Variants in TRABD2A observed in about 807,000 individuals in gnomAD.
TRABD2A encodes TraB domain containing 2A.
In TRABD2A, 43 loss-of-function variants were observed where a neutral mutation model predicts 45.6. That is an observed-to-expected ratio of 0.94 (90% CI 0.74 to 1.22). The LOEUF is 1.22. Among genes scored for constraint, TRABD2A ranks in the 50% most tolerant of loss-of-function variants. TRABD2A has a pLI of 0.00. For missense variants in TRABD2A, 642 were observed against 652.4 expected (o/e 0.98, Z 0.17); for synonymous variants, 269 against 265.0 (o/e 1.02, Z -0.15).
chr2:84,837,956 T>A, intron 4 of TRABD2A: 2 of 384,878 alleles, frequency 5.2e-6, no homozygotes, highest in Non-Finnish European at 9.3e-6. Context: ...TTAATATTGC[T>A]ATTTCCAGCA....
At chr2:84,855,413 G>C (rs1383855555) in intron 2 of TRABD2A, among the ~76,000 whole-genome samples, 1 of 152,020 alleles carries the variant, frequency 6.6e-6, no homozygotes, top group East Asian at 1.9e-4. Flanking sequence ...TCACATTAGT[G>C]CTTGCCGAAC....
In TRABD2A at chr2:84,840,950, A is replaced by G. The variant is rs1291091292; in HGVS notation, c.816+911T>C. The stretch of plus-strand genomic sequence containing the variant: ...TACTGTCCTTCTCCCCATTGCTGCT[A>G]TTCCTCCTTCAGCTCTCATGTTCAC... On this transcript the variant is annotated intron_variant, in intron 3 of 6. Transcript: ENST00000409520. Among the ~76,000 whole-genome samples the G allele has an allele frequency of 3.3e-5, 5 of 151,888 alleles. No homozygotes were observed. In the South Asian group the frequency reaches 6.2e-4, roughly 19 times the overall value.
intron 2 of TRABD2A, among the ~76,000 whole-genome samples, chr2:84,853,527 C>T (rs1406119148): frequency 1.3e-5 from 2 of 152,140 alleles, no homozygotes; most frequent in Non-Finnish European, 2.9e-5. Context: ...CACCTGGTCC[C>T]GCCCATGACA....
intron 6 of TRABD2A, among the ~76,000 whole-genome samples, chr2:84,823,732 A>G (rs1203189331): frequency 6.6e-6 from 1 of 152,156 alleles, no homozygotes; most frequent in Non-Finnish European, 1.5e-5. Flanking sequence ...TTGTTCTTTA[A>G]CAAGCATAAA....
chr2:84,824,190 T>A lies in TRABD2A; in HGVS notation c.1097A>T (p.Lys366Met). 1 of 1,613,834 alleles carries A rather than the reference T, an allele frequency of 6.2e-7. No individual in the cohort carries two copies. The highest frequency in any genetic ancestry group is 8.5e-7 in the Non-Finnish European group (1 of 1,179,860). The change falls in exon 6 of 7, where the codon AAG (lysine) becomes ATG (methionine). Residue 366 changes from lysine to methionine, a missense_variant. Lys to Met is a moderately conservative substitution (Grantham distance 95). Coordinates refer to ENST00000409520, the MANE Select transcript of TRABD2A (RefSeq NM_001277053.2). ...GRPIHKGKSK[K>M]TSTRPTLSTI... is the part of the protein sequence containing the mutation. Reference sequence around the variant, plus strand: ...GGACAGAGTGGGCCGTGTGGAGGTCTTTTTACTCTTCCCTCTGTACGCAAG... The same window carrying A: ...GGACAGAGTGGGCCGTGTGGAGGTCATTTTACTCTTCCCTCTGTACGCAAG...
intron 6 of TRABD2A, among the ~76,000 whole-genome samples, chr2:84,823,205 C>T (rs1296955918): frequency 6.6e-6 from 1 of 152,092 alleles, no homozygotes; most frequent in Non-Finnish European, 1.5e-5. Context: ...TAGTAACCTC[C>T]AACACACACA....
At chr2:84,838,342 T>C (rs1456356084) in intron 4 of TRABD2A, 1 of 683,312 alleles carries the variant, frequency 1.5e-6, no homozygotes. Context: ...CTTCTAGGAT[T>C]GTTGCAAGCC....
chr2:84,840,033 C>T (rs1323815443), intron 3 of TRABD2A, among the ~76,000 whole-genome samples: 2 of 152,094 alleles, frequency 1.3e-5, no homozygotes, highest in East Asian at 3.9e-4. Flanking sequence ...CTCAGCCTCC[C>T]ACTCCTCCCC....
At chr2:84,839,423 G>A (rs150258293) in intron 3 of TRABD2A, 100 bp from the exon 4 acceptor site, 34 of 1,145,254 alleles carry the variant, frequency 3.0e-5, no homozygotes, top group East Asian at 2.6e-4. Context: ...TGGTCAAGAC[G>A]TTGTCAAGAG....
intron 4 of TRABD2A, chr2:84,836,124 G>A (rs933077189): frequency 6.6e-6 from 1 of 152,202 alleles, no homozygotes; most frequent in African/African-American, 2.4e-5. Context: ...AAGAAACAAT[G>A]AAAGCATCAG....
chr2:84,836,868 T>C (rs1206394827), intron 4 of TRABD2A: 2 of 152,272 alleles, frequency 1.3e-5, no homozygotes, highest in African/African-American at 4.8e-5. Context: ...ACACTTTAAA[T>C]TCCAGAATTC....
rs1681282352 is a variant in TRABD2A at position 84,830,046 on chromosome 2, C to T, written c.1082+2009G>A. 6.6e-6 allele frequency among the ~76,000 whole-genome samples: 1 copy of T among 152,082 alleles called. No individual in the cohort carries two copies. The highest frequency in any genetic ancestry group is 1.9e-4 in the East Asian group (1 of 5,196). On this transcript the variant is annotated intron_variant, in intron 5 of 6. Coordinates refer to ENST00000409520, the MANE Select transcript of TRABD2A (RefSeq NM_001277053.2). This position sits in a 1 kb window ranked among gnomAD's most constrained non-coding sequence, Gnocchi z 4.9. ...ATTACACCACACACACGTACACACT[C>T]CCCAGGTAGGGCCCTCTCCAGCACC...
chr2:84,869,935 C>T (rs1227683228), intron 2 of TRABD2A, among the ~76,000 whole-genome samples: 2 of 144,526 alleles, frequency 1.4e-5, no homozygotes, highest in East Asian at 2.0e-4. Context: ...ACTGAGATCG[C>T]ACCACTGCAC....
At chr2:84,822,563 C>T (rs1401977718) in intron 6 of TRABD2A, among the ~76,000 whole-genome samples, 2 of 152,172 alleles carry the variant, frequency 1.3e-5, no homozygotes, top group East Asian at 1.9e-4. Context: ...CAAGACAGTT[C>T]AAGCTGAGGG....
Position 84,881,000 on chromosome 2 carries a change from G to A in TRABD2A, c.40C>T (p.Leu14Phe). The change falls in exon 1 of 7, where the codon CTC (leucine) becomes TTC (phenylalanine). Residue 14 changes from leucine (L) to phenylalanine (F), a missense_variant. Physicochemically the swap from Leu to Phe is conservative, Grantham distance 22 (BLOSUM62 0). Coordinates refer to ENST00000409520, the MANE Select transcript of TRABD2A (RefSeq NM_001277053.2). ...CGCGAAGCTGCGCCCGTGGGCAGGAGGCAGAGGGTCTGCAGCAGGAACCAG... is the reference window on the plus strand; with the variant it reads ...CGCGAAGCTGCGCCCGTGGGCAGGAAGCAGAGGGTCTGCAGCAGGAACCAG... ...WSWFLLQTLC[L>F]LPTGAASRRG... The A allele has an allele frequency of 6.2e-7, 1 of 1,606,014 alleles. No individual in the cohort carries two copies. The highest frequency in any genetic ancestry group is 8.5e-7 in the Non-Finnish European group (1 of 1,177,010).
chr2:84,871,336 C>T (rs1682866733), intron 1 of TRABD2A, among the ~76,000 whole-genome samples: 1 of 152,136 alleles, frequency 6.6e-6, no homozygotes, highest in African/African-American at 2.4e-5. Context: ...CCTGCTCTTT[C>T]AGATCTCAAA....
At chr2:84,832,217 C>T in intron 4 of TRABD2A, 72 bp from the exon 5 acceptor site, 1 of 1,511,070 alleles carries the variant, frequency 6.6e-7, no homozygotes, top group Non-Finnish European at 9.2e-7. Context: ...AACACACACC[C>T]TAGAACCAAG....
intron 2 of TRABD2A, among the ~76,000 whole-genome samples, chr2:84,856,711 C>A (rs759588506): frequency 1.3e-5 from 2 of 152,118 alleles, no homozygotes; most frequent in African/African-American, 4.8e-5. Context: ...TGGACACCCC[C>A]GAAGTCTTCT....
chr2:84,858,746 A>G (rs928370977), intron 2 of TRABD2A, among the ~76,000 whole-genome samples: 1 of 152,220 alleles, frequency 6.6e-6, no homozygotes, highest in African/African-American at 2.4e-5. Context: ...AAGCTGCACC[A>G]CACATGGTTC....
Sources: gnomAD v4.1 joint callset for allele counts (sites outside exome capture counted in the v4.1 genomes callset) on GRCh38, gnomAD v4.1.1 for gene constraint, Gnocchi (gnomAD v3.1) non-coding constraint, MANE v1.5 for transcripts, NCBI Gene and HGNC (gene_info 2026-07-23, HGNC 2026-07-21) for gene names.